The following TAFA5 variants were observed in gnomAD, a reference collection of about 807,000 sequenced individuals.
The protein encoded by TAFA5 is TAFA chemokine like family member 5.
In TAFA5, 6 loss-of-function variants were observed where a neutral mutation model predicts 15.3. The observed-to-expected ratio is 0.39, with a 90% CI of 0.21 to 0.77. The LOEUF is 0.77. TAFA5 is among the 30% of genes least tolerant of loss of function. The probability of loss-of-function intolerance (pLI) is 0.41; values close to 1 mark genes in which losing one functional copy is unlikely to be tolerated. For synonymous variants in TAFA5, 103 were observed against 80.7 expected (o/e 1.28, Z -1.48); for missense variants, 161 against 193.1 (o/e 0.83, Z 0.98).
rs187596970 is a variant in TAFA5 at position 48,602,149 on chromosome 22, G to A, written c.113-44448G>A. On this transcript the variant is annotated intron_variant, in intron 1 of 3. Coordinates refer to ENST00000402357, the MANE Select transcript of TAFA5 (RefSeq NM_001082967.3). ...CCAGGGCACATGCCCTCCCTCCTCC[G>A]CATCTTCCTCAAGCCCCAGGCAGTG... 3.4e-3 allele frequency among the ~76,000 whole-genome samples: 513 copies of A among 152,294 alleles called. 4 individuals are homozygous for A. The highest frequency in any genetic ancestry group is 0.012 in the African/African-American group (500 of 41,556).
chr22:48,704,023 G>A (rs1208794738), intron 2 of TAFA5, among the ~76,000 whole-genome samples: 1 of 152,194 alleles, frequency 6.6e-6, no homozygotes, highest in Non-Finnish European at 1.5e-5. Context: ...GGGTTTCTGA[G>A]GCCCCGTTCA....
intron 1 of TAFA5, among the ~76,000 whole-genome samples, chr22:48,638,972 CAG>C (rs145856555): frequency 0.01 from 1,478 of 146,950 alleles, 46 homozygotes; most frequent in South Asian, 0.051. Flanking sequence ...ACACCACACA[CAG>C]GGGGGACCCC....
At chr22:48,697,753 A>G (rs903547510) in intron 2 of TAFA5, among the ~76,000 whole-genome samples, 32 of 151,470 alleles carry the variant, frequency 2.1e-4, no homozygotes, top group African/African-American at 6.8e-4. Context: ...TGATAATGTG[A>G]TGATAGTAAT....
At chr22:48,564,328 G>A (rs1923339673) in intron 1 of TAFA5, among the ~76,000 whole-genome samples, 1 of 152,254 alleles carries the variant, frequency 6.6e-6, no homozygotes, top group Non-Finnish European at 1.5e-5. Context: ...GGGGCTTCAG[G>A]GCACGTTGGG....
At chr22:48,553,502 C>T (rs1922927578) in intron 1 of TAFA5, among the ~76,000 whole-genome samples, 2 of 152,152 alleles carry the variant, frequency 1.3e-5, no homozygotes, top group Admixed American at 1.3e-4. Flanking sequence ...CATGGGGAGA[C>T]CTGCACCAGG....
intron 1 of TAFA5, among the ~76,000 whole-genome samples, chr22:48,559,180 G>A (rs1923142860): frequency 6.6e-6 from 1 of 152,196 alleles, no homozygotes; most frequent in Admixed American, 6.5e-5. Context: ...CCGGGGCCAT[G>A]GTGTTTTGTG....
chr22:48,559,036 G>A (rs1272388257), intron 1 of TAFA5, among the ~76,000 whole-genome samples: 3 of 152,222 alleles, frequency 2.0e-5, no homozygotes, highest in African/African-American at 4.8e-5. Flanking sequence ...CTGGGGTCAG[G>A]CCCTTAGGAA....
intron 1 of TAFA5, among the ~76,000 whole-genome samples, chr22:48,631,246 G>A (rs770365502): frequency 1.3e-5 from 2 of 152,164 alleles, no homozygotes; most frequent in South Asian, 2.1e-4. Flanking sequence ...AGGGTGAAGT[G>A]GGCAACCTCA....
At chr22:48,518,782 A>C (rs531714830) in intron 1 of TAFA5, among the ~76,000 whole-genome samples, 28 of 152,332 alleles carry the variant, frequency 1.8e-4, no homozygotes, top group Admixed American at 1.8e-3. Context: ...TGCTGTGCCC[A>C]GGGTCACGCT....
intron 2 of TAFA5, among the ~76,000 whole-genome samples, chr22:48,670,320 A>T (rs188427807): frequency 4.4e-4 from 67 of 152,314 alleles, no homozygotes; most frequent in Admixed American, 1.6e-3. Context: ...AGTCATTATG[A>T]ATTGGCTTAC....
At chr22:48,631,619 C>T (rs1019847512) in intron 1 of TAFA5, among the ~76,000 whole-genome samples, 4 of 152,202 alleles carry the variant, frequency 2.6e-5, no homozygotes, top group African/African-American at 7.2e-5. Context: ...ACCGGCCTCC[C>T]GAGCCCCGTG....
intron 1 of TAFA5, among the ~76,000 whole-genome samples, chr22:48,513,334 T>C (rs1921292254): frequency 6.6e-6 from 1 of 152,200 alleles, no homozygotes; most frequent in Non-Finnish European, 1.5e-5. Context: ...TTACAGGCCG[T>C]TTTGCTTCAA....
intron 2 of TAFA5, among the ~76,000 whole-genome samples, chr22:48,674,010 G>GGACTTTTTGCCCA (rs1927886950): frequency 3.3e-5 from 5 of 151,492 alleles, no homozygotes; most frequent in Non-Finnish European, 7.4e-5. Flanking sequence ...CTTTTTGCCC[G>GGACTTTTTGCCCA]CCTCACATCT....
intron 1 of TAFA5, among the ~76,000 whole-genome samples, chr22:48,504,760 G>A (rs540340344): frequency 6.6e-6 from 1 of 152,302 alleles, no homozygotes; most frequent in African/African-American, 2.4e-5. Flanking sequence ...AGAGCAAGTG[G>A]CTTTTCCTAG....
At chr22:48,692,312 C>T (rs893556587) in intron 2 of TAFA5, among the ~76,000 whole-genome samples, 6 of 152,204 alleles carry the variant, frequency 3.9e-5, no homozygotes, top group African/African-American at 9.6e-5. Context: ...TGGGCCCCTC[C>T]CTCCTTGCTG....
In TAFA5 at chr22:48,593,324, A is replaced by T. The variant is rs185704496; in HGVS notation, c.113-53273A>T. ...GCCCCTCCATTTTGCAGATGGGGAA[A>T]TAGAGGCACGGGGCAGGGGAGGGAC... On this transcript the variant is annotated intron_variant, in intron 1 of 3. Transcript: ENST00000402357. Among the ~76,000 whole-genome samples, 9 of 152,260 alleles carry T rather than the reference A, an allele frequency of 5.9e-5. No homozygotes were observed. The East Asian group carries it at 1.7e-3, about 30-fold the overall frequency.
At chr22:48,657,883 C>T (rs544088895) in intron 2 of TAFA5, among the ~76,000 whole-genome samples, 4 of 151,988 alleles carry the variant, frequency 2.6e-5, no homozygotes, top group Admixed American at 1.3e-4. Flanking sequence ...GACGCTGCCG[C>T]TCTTGAACCT....
At chr22:48,641,517 G>T (rs1926674587) in intron 1 of TAFA5, among the ~76,000 whole-genome samples, 1 of 151,698 alleles carries the variant, frequency 6.6e-6, no homozygotes, top group Non-Finnish European at 1.5e-5. Context: ...TTCTGATGGT[G>T]GCTGCCCCTC....
chr22:48,572,636 G>A (rs1422593394), intron 1 of TAFA5, among the ~76,000 whole-genome samples: 2 of 152,178 alleles, frequency 1.3e-5, no homozygotes, highest in Non-Finnish European at 2.9e-5. Context: ...CTGTTTGGAA[G>A]TCTGGTGAAG....
Sources: gnomAD v4.1 joint callset for allele counts (sites outside exome capture counted in the v4.1 genomes callset) on GRCh38, gnomAD v4.1.1 for gene constraint, MANE v1.5 for transcripts, NCBI Gene and HGNC (gene_info 2026-07-23, HGNC 2026-07-21) for gene names.